Variants in GRIP1 observed in about 807,000 individuals in gnomAD.
GRIP1 encodes glutamate receptor-interacting protein 1.
Under a neutral mutation model 129.9 loss-of-function variants are expected in GRIP1, and 45 were observed. That is an observed-to-expected ratio of 0.35 (90% CI 0.27 to 0.44). The LOEUF (loss-of-function observed/expected upper bound fraction) is 0.44, where lower values mean the gene tolerates loss of function less well. Among genes scored for constraint, GRIP1 ranks in the 20% least tolerant of loss-of-function variants. GRIP1 has a pLI of 1.00. For synonymous variants in GRIP1, 530 were observed against 520.8 expected (o/e 1.02, Z -0.24); for missense variants, 1,196 against 1,396.8 (o/e 0.86, Z 2.29).
intron 8 of GRIP1, among the ~76,000 whole-genome samples, chr12:66,464,986 T>C (rs913509091): frequency 4.0e-5 from 6 of 150,844 alleles, no homozygotes; most frequent in African/African-American, 1.5e-4. Context: ...GTTTCACTCT[T>C]GTTGCCCAGG....
intron 1 of GRIP1, among the ~76,000 whole-genome samples, chr12:67,020,605 A>G (rs1216624597): frequency 1.3e-5 from 2 of 151,982 alleles, no homozygotes; most frequent in Non-Finnish European, 2.9e-5. Context: ...GGATCTCTCT[A>G]AGTTGCCTAG....
chr12:66,625,246 T>C (rs2029884571), intron 1 of GRIP1, among the ~76,000 whole-genome samples: 1 of 152,166 alleles, frequency 6.6e-6, no homozygotes, highest in Non-Finnish European at 1.5e-5. Context: ...GTAACTCGCA[T>C]CTTATCATTT....
chr12:67,012,103 T>C (rs889663980), intron 1 of GRIP1, among the ~76,000 whole-genome samples: 15 of 152,288 alleles, frequency 9.8e-5, no homozygotes, highest in African/African-American at 3.4e-4. Context: ...TAAGCAGTTG[T>C]TGAATGGATA....
chr12:66,591,805 T>C (rs902306416), intron 2 of GRIP1, among the ~76,000 whole-genome samples: 7 of 149,638 alleles, frequency 4.7e-5, no homozygotes, highest in African/African-American at 1.7e-4. Context: ...GATTTTTGCA[T>C]TTTTTGTAGA....
In GRIP1 at chr12:66,771,025, G is replaced by A. The variant is rs546649327; in HGVS notation, c.-420+33028C>T. ...GGAGAATCGCTTGAACCCAGGAGGC[G>A]GAAATTGCAGTGAGCCAAGATCACG... On this transcript the variant is annotated intron_variant, in intron 1 of 4. Transcript: ENST00000538373. Among the ~76,000 whole-genome samples the A allele has an allele frequency of 8.5e-5, 13 of 152,182 alleles. No homozygotes were observed. In the South Asian group the frequency reaches 2.1e-3, roughly 24 times the overall value.
chr12:66,713,975 T>A (rs2035790200), intron 1 of GRIP1, among the ~76,000 whole-genome samples: 1 of 152,048 alleles, frequency 6.6e-6, no homozygotes, highest in Non-Finnish European at 1.5e-5. Context: ...AAAATTCATT[T>A]AAATTCACCC....
chr12:66,566,757 A>T (rs2062775180), intron 2 of GRIP1, among the ~76,000 whole-genome samples: 1 of 151,424 alleles, frequency 6.6e-6, no homozygotes, highest in South Asian at 2.1e-4. Flanking sequence ...TTCCAAAAAA[A>T]ATCCAGGACT....
chr12:66,833,168 T>C (rs953749038), intron 1 of GRIP1, among the ~76,000 whole-genome samples: 10 of 152,198 alleles, frequency 6.6e-5, no homozygotes, highest in African/African-American at 2.2e-4. Context: ...AGGAAGGTGT[T>C]TGATTCAGTC....
intron 13 of GRIP1, among the ~76,000 whole-genome samples, chr12:66,435,886 T>G (rs1242107840): frequency 6.6e-6 from 1 of 152,232 alleles, no homozygotes; most frequent in African/African-American, 2.4e-5. Context: ...TGTGGCTTCA[T>G]TTTAATCTTT....
intron 1 of GRIP1, among the ~76,000 whole-genome samples, chr12:66,706,974 TC>T (rs1432453863): frequency 1.7e-5 from 2 of 115,130 alleles, no homozygotes. Context: ...TGCCCATGTA[TC>T]CCTTTTTTTT....
intron 23 of GRIP1, among the ~76,000 whole-genome samples, chr12:66,370,978 G>A (rs556694907): frequency 1.1e-4 from 16 of 152,194 alleles, no homozygotes; most frequent in African/African-American, 3.1e-4. Flanking sequence ...CTGCAAGTCT[G>A]TAATGAAAGA....
Position 66,347,972 on chromosome 12 carries a change from C to G in GRIP1, c.*1047G>C. The stretch of plus-strand genomic sequence containing the variant: ...TTCAAAATATCTGAACAAATGAAAA[C>G]AGTTGCTGACAAACATTTAAAGCAA... On this transcript the variant is annotated 3_prime_UTR_variant, in exon 25 of 25. Transcript: ENST00000359742. The G allele has an allele frequency of 6.6e-6, 1 of 152,090 alleles. No homozygotes were observed. Among genetic ancestry groups the G allele is most frequent in the African/African-American group, 2.4e-5 (1 of 41,414 alleles). 9.4% of individuals were successfully genotyped at this position (152,090 alleles called of 1,614,324 possible).
chr12:66,723,723 A>G lies in GRIP1; in HGVS notation c.-420+80330T>C, dbSNP rs138838351. ...AGCAACACCATAGCAAGGTATCTAC[A>G]TGTAAAACAGTATGAGATGCTTCAT... On this transcript the variant is annotated intron_variant, in intron 1 of 4. Coordinates refer to the GRIP1 transcript ENST00000538373. 7.9e-3 allele frequency among the ~76,000 whole-genome samples: 1,200 copies of G among 152,296 alleles called. 12 individuals are homozygous for G. Among genetic ancestry groups the G allele is most frequent in the Middle Eastern group, 0.014 (4 of 294 alleles).
intron 1 of GRIP1, among the ~76,000 whole-genome samples, chr12:66,853,835 T>C (rs560992654): frequency 1.3e-5 from 2 of 152,206 alleles, no homozygotes; most frequent in South Asian, 2.1e-4. Flanking sequence ...AGGATATAAT[T>C]TGACAATTCT....
chr12:66,681,546 A>T (rs2034584347), upstream of GRIP1, among the ~76,000 whole-genome samples: 1 of 152,214 alleles, frequency 6.6e-6, no homozygotes, highest in Admixed American at 6.5e-5. Context: ...CTTGGCTACC[A>T]GATCAATGTA....
intron 1 of GRIP1, among the ~76,000 whole-genome samples, chr12:66,908,010 A>C (rs1456309186): frequency 6.6e-6 from 1 of 152,188 alleles, no homozygotes; most frequent in Non-Finnish European, 1.5e-5. Context: ...AAAATAATAA[A>C]GGTATTATTT....
chr12:66,894,232 G>A (rs900212980), intron 1 of GRIP1, among the ~76,000 whole-genome samples: 1 of 152,154 alleles, frequency 6.6e-6, no homozygotes, highest in Admixed American at 6.5e-5. Flanking sequence ...ATGGAGGAAA[G>A]CCCTAGAGAG....
chr12:66,757,804 G>A (rs2037343676), intron 1 of GRIP1, among the ~76,000 whole-genome samples: 1 of 152,078 alleles, frequency 6.6e-6, no homozygotes, highest in African/African-American at 2.4e-5. Flanking sequence ...GGGGTAAGAC[G>A]ATATCTCACT....
intron 2 of GRIP1, among the ~76,000 whole-genome samples, chr12:66,592,488 T>C (rs2063883023): frequency 6.6e-6 from 1 of 152,136 alleles, no homozygotes; most frequent in African/African-American, 2.4e-5. Context: ...TTTAAGAAAA[T>C]TTCCCTGGGT....
Sources: allele counts gnomAD v4.1 joint callset (sites outside exome capture counted in the v4.1 genomes callset), GRCh38; gene constraint gnomAD v4.1.1; transcripts MANE v1.5; gene names NCBI Gene and HGNC (gene_info 2026-07-23, HGNC 2026-07-21).